CTIF: variants seen among roughly 807,000 people sequenced by gnomAD.
The protein encoded by CTIF is CBP80/20-dependent translation initiation factor.
A neutral mutation model predicts 66.0 loss-of-function variants in CTIF; 21 were observed. That is an observed-to-expected ratio of 0.32 (90% confidence interval 0.23 to 0.46). The LOEUF (loss-of-function observed/expected upper bound fraction) is 0.46. Among genes scored for constraint, CTIF ranks in the 20% least tolerant of loss-of-function variants. The pLI is 1.00. For missense variants in CTIF, 739 were observed against 812.7 expected, an observed-to-expected ratio of 0.91 and a Z score of 1.10; for synonymous variants, 345 against 326.4, an observed-to-expected ratio of 1.06 and a Z score of -0.62.
At chr18:48,789,817 C>T (rs924506212) in intron 9 of CTIF, among the ~76,000 whole-genome samples, 1 of 152,146 alleles carries the variant, frequency 6.6e-6, no homozygotes, top group African/African-American at 2.4e-5. Context: ...CTCTCAGGAA[C>T]CTTAAGACTA....
intron 1 of CTIF, among the ~76,000 whole-genome samples, chr18:48,615,108 C>G (rs1344973435): frequency 6.6e-6 from 1 of 152,094 alleles, no homozygotes; most frequent in Non-Finnish European, 1.5e-5. Flanking sequence ...GTTGCCTAGG[C>G]TGGTATCAAA....
chr18:48,826,298 A>G (rs1246061075), intron 10 of CTIF: 2 of 152,228 alleles, frequency 1.3e-5, no homozygotes, highest in Non-Finnish European at 2.9e-5. Flanking sequence ...ATCGCAACAC[A>G]GTCAGCCCCA....
intron 1 of CTIF, among the ~76,000 whole-genome samples, chr18:48,593,148 G>A (rs1039264036): frequency 6.6e-6 from 1 of 152,198 alleles, no homozygotes; most frequent in Non-Finnish European, 1.5e-5. Flanking sequence ...AAGCTCAGGC[G>A]GAGATTCCCT....
chr18:48,602,854 G>GATGGATGGATGGATGA lies in CTIF; in HGVS notation c.-28-16669_-28-16668insAATGGATGGATGGATG, dbSNP rs2090118167. ...GAATGGATGGATGGATGGATGAATG[G>GATGGATGGATGGATGA]ATGGATGGATGGATGGATGGATGGA... On this transcript the variant is annotated intron_variant, in intron 1 of 11. Coordinates refer to ENST00000256413, the MANE Select transcript of CTIF (RefSeq NM_014772.3). 7.8e-5 allele frequency among the ~76,000 whole-genome samples: 9 copies of GATGGATGGATGGATGA among 115,674 alleles called. No homozygotes were observed. The South Asian group carries it at 2.3e-3, about 30-fold the overall frequency. 75.9% of individuals were successfully genotyped at this position (115,674 alleles called of 152,430 possible). A position where few individuals can be genotyped will look rare whatever the true frequency, so the allele number is the denominator to read the frequency against.
intron 7 of CTIF, among the ~76,000 whole-genome samples, chr18:48,732,631 C>A (rs776299122): frequency 6.6e-6 from 1 of 152,210 alleles, no homozygotes; most frequent in Non-Finnish European, 1.5e-5. Flanking sequence ...TTCTTGTTCT[C>A]GGCAGCCCAT....
intron 2 of CTIF, among the ~76,000 whole-genome samples, chr18:48,629,423 A>G (rs1200157026): frequency 1.3e-5 from 2 of 152,150 alleles, no homozygotes; most frequent in African/African-American, 4.8e-5. Flanking sequence ...ATATCTTATG[A>G]TATATATAAT....
At chr18:48,795,873 G>C (rs1256564045) in intron 9 of CTIF, among the ~76,000 whole-genome samples, 1 of 152,164 alleles carries the variant, frequency 6.6e-6, no homozygotes. Flanking sequence ...TCCACACCCT[G>C]GGAAAGCCGA....
intron 1 of CTIF, among the ~76,000 whole-genome samples, chr18:48,589,148 A>G (rs1360014541): frequency 1.3e-5 from 2 of 152,152 alleles, no homozygotes; most frequent in African/African-American, 2.4e-5. Context: ...TCCCAGGACT[A>G]TTGTCACGAA....
chr18:48,675,518 T>C (rs539773605), intron 6 of CTIF, among the ~76,000 whole-genome samples: 14 of 152,350 alleles, frequency 9.2e-5, no homozygotes, highest in African/African-American at 2.9e-4. Flanking sequence ...TCACCGGCCA[T>C]GCCTCCTGGT....
intron 7 of CTIF, among the ~76,000 whole-genome samples, chr18:48,717,275 A>G (rs1018981539): frequency 1.3e-5 from 2 of 152,040 alleles, no homozygotes; most frequent in African/African-American, 4.8e-5. Context: ...GGTGCAGCCT[A>G]TAATCCCAGT....
chr18:48,671,046 T>C (rs899088158), intron 6 of CTIF, among the ~76,000 whole-genome samples: 3 of 152,182 alleles, frequency 2.0e-5, no homozygotes, highest in African/African-American at 7.2e-5. Context: ...TTTTGTCCCT[T>C]GGCCTGAAAC....
chr18:48,831,579 C>T (rs2068692698), intron 10 of CTIF, among the ~76,000 whole-genome samples: 1 of 152,220 alleles, frequency 6.6e-6, no homozygotes, highest in African/African-American at 2.4e-5. Context: ...AGGACACCCA[C>T]AGTCACAGAC....
At chr18:48,768,062 C>T (rs1909745275) in intron 9 of CTIF, among the ~76,000 whole-genome samples, 1 of 152,096 alleles carries the variant, frequency 6.6e-6, no homozygotes, top group Non-Finnish European at 1.5e-5. Flanking sequence ...CTCCTTGTCC[C>T]ATGTTTTCAG....
intron 9 of CTIF, among the ~76,000 whole-genome samples, chr18:48,808,344 CTATT>C (rs1456031256): frequency 6.6e-6 from 1 of 152,146 alleles, no homozygotes; most frequent in Non-Finnish European, 1.5e-5. Context: ...TTTGAACACA[CTATT>C]TATATATTAA....
chr18:48,681,815 C>G (rs921435912), intron 6 of CTIF, among the ~76,000 whole-genome samples: 2 of 151,968 alleles, frequency 1.3e-5, no homozygotes, highest in East Asian at 3.9e-4. Flanking sequence ...GATGGTGTTT[C>G]ACTCTTGTCA....
intron 7 of CTIF, among the ~76,000 whole-genome samples, chr18:48,729,714 C>T (rs926796110): frequency 9.9e-5 from 15 of 152,212 alleles, no homozygotes; most frequent in African/African-American, 2.9e-4. Context: ...CTTGGGGATC[C>T]GTGGTGATCT....
intron 7 of CTIF, among the ~76,000 whole-genome samples, chr18:48,756,761 C>T (rs1042139386): frequency 3.3e-5 from 5 of 152,156 alleles, no homozygotes; most frequent in African/African-American, 4.8e-5. Context: ...TGAGAATGTC[C>T]CTCACCACCC....
At chr18:48,603,495 G>GGATGGA (rs1196797964) in intron 1 of CTIF, among the ~76,000 whole-genome samples, 2,200 of 115,476 alleles carry the variant, frequency 0.019, 95 homozygotes, top group African/African-American at 0.041. Context: ...GGGTGGGTGG[G>GGATGGA]TGGGTGGATG....
chr18:48,664,546 C>G lies in CTIF; in HGVS notation c.426C>G (p.Arg142=). The G allele has an allele frequency of 1.2e-6, 2 of 1,611,090 alleles. No individual in the cohort carries two copies. Among genetic ancestry groups the G allele is most frequent in the South Asian group, 2.2e-5 (2 of 91,082 alleles). The change falls in exon 5 of 12, where the codon CGC becomes CGG. Residue 142 remains arginine, a synonymous_variant. Transcript: ENST00000256413. ...AGCAGCCCCTGCCACACATCGACCG[C>G]GAAGGGTAAGGGGTGCTGGGGCTCT... ...TPKQPLPHID[R]EGCGKGKLED... is the part of the protein sequence containing the mutation.
Sources: gnomAD v4.1 joint callset for allele counts (sites outside exome capture counted in the v4.1 genomes callset) on GRCh38, gnomAD v4.1.1 for gene constraint, MANE v1.5 for transcripts, NCBI Gene and HGNC (gene_info 2026-07-23, HGNC 2026-07-21) for gene names.